Variants in DISC1 observed in about 807,000 individuals in gnomAD.
The protein encoded by DISC1 is DISC1 scaffold protein.
DISC1 carries 57 observed loss-of-function variants against 84.5 expected under a neutral mutation model. That is an observed-to-expected ratio of 0.67 (90% CI 0.55 to 0.84). The LOEUF is 0.84. DISC1 is among the 40% of genes least tolerant of loss of function. The pLI is 0.00. For missense variants in DISC1, 1,000 were observed against 1,057.8 expected (o/e 0.95, Z 0.76); for synonymous variants, 411 against 415.2 (o/e 0.99, Z 0.12).
intron 1 of DISC1, among the ~76,000 whole-genome samples, chr1:231,681,794 C>G (rs1000429945): frequency 2.6e-5 from 4 of 152,060 alleles, no homozygotes; most frequent in African/African-American, 9.7e-5. Context: ...CTCCTGGGTT[C>G]AAGCGATTCT....
In DISC1 at chr1:231,770,983, T is replaced by C. The variant is rs761316458; in HGVS notation, c.1547T>C (p.Leu516Pro). The change falls in exon 6 of 13, where the codon CTG becomes CCG. Residue 516 changes from leucine to proline, a missense_variant. By Grantham distance (98) the Leu-to-Pro change is moderately conservative. Around this residue, in one of 3 missense-constraint regions of DISC1, gnomAD observed 311 missense variants for 400.1 expected, o/e 0.78. Transcript: ENST00000439617. ...PLVGQLSLGQ[L>P]QEVSKALQDT... ...GTGGGCCAGCTGTCCCTGGGTCAGC[T>C]GCAGGAGGTCAGCAAGGCCTTGCAG... 3 of 1,613,732 alleles carry C rather than the reference T, an allele frequency of 1.9e-6. No individual in the cohort carries two copies.
chr1:231,827,965 G>A (rs564030707), intron 9 of DISC1, among the ~76,000 whole-genome samples: 17 of 152,220 alleles, frequency 1.1e-4, no homozygotes, highest in Middle Eastern at 3.4e-3. Flanking sequence ...ATAGAATGTC[G>A]TTTTATTTTT....
intron 10 of DISC1, among the ~76,000 whole-genome samples, chr1:232,003,045 A>T (rs143341447): frequency 1.3e-5 from 2 of 152,188 alleles, no homozygotes; most frequent in Non-Finnish European, 2.9e-5. Flanking sequence ...TTACAATTGT[A>T]TGTGAATTTA....
At chr1:231,750,357 C>G (rs1424503284) in intron 4 of DISC1, 3 of 1,212,606 alleles carry the variant, frequency 2.5e-6, no homozygotes, top group Non-Finnish European at 3.1e-6. Flanking sequence ...GGGAAACTAC[C>G]CTTCTAAGAA....
At chr1:231,673,268 T>G (rs1399806409) in intron 1 of DISC1, among the ~76,000 whole-genome samples, 1 of 152,178 alleles carries the variant, frequency 6.6e-6, no homozygotes, top group Non-Finnish European at 1.5e-5. Context: ...CCCCTGGAGG[T>G]GGGAAAATGA....
chr1:231,946,049 C>T (rs1657132460), intron 9 of DISC1, among the ~76,000 whole-genome samples: 1 of 152,180 alleles, frequency 6.6e-6, no homozygotes, highest in South Asian at 2.1e-4. Flanking sequence ...GGAGCTGGTA[C>T]CATTCCTTCT....
chr1:231,752,732 A>G (rs1340164817), intron 4 of DISC1, among the ~76,000 whole-genome samples: 1 of 152,236 alleles, frequency 6.6e-6, no homozygotes, highest in Non-Finnish European at 1.5e-5. Flanking sequence ...ATCTGAGACA[A>G]GGCTAGTCCC....
intron 3 of DISC1, chr1:231,702,570 A>G: frequency 2.0e-6 from 2 of 985,534 alleles, no homozygotes; most frequent in Non-Finnish European, 2.4e-6. Flanking sequence ...ATGGCCTAAA[A>G]TACCCAAGAG....
At chr1:231,703,365 C>T (rs559472309) in intron 3 of DISC1, among the ~76,000 whole-genome samples, 7 of 152,286 alleles carry the variant, frequency 4.6e-5, no homozygotes, top group African/African-American at 1.2e-4. Context: ...GGCTTCAGCC[C>T]GGGCACAGCT....
intron 4 of DISC1, chr1:231,750,402 G>C: frequency 8.9e-7 from 1 of 1,119,198 alleles, no homozygotes; most frequent in African/African-American, 1.6e-5. Flanking sequence ...AGGCAGCTTG[G>C]TGTCCTGTGA....
chr1:231,953,198 T>C (rs1022544793), intron 9 of DISC1, among the ~76,000 whole-genome samples: 2 of 152,364 alleles, frequency 1.3e-5, no homozygotes, highest in Middle Eastern at 3.4e-3. Flanking sequence ...TAAATTGATA[T>C]CACGCGTGTC....
chr1:231,867,105 G>A (rs1165826460), intron 9 of DISC1, among the ~76,000 whole-genome samples: 1 of 152,110 alleles, frequency 6.6e-6, no homozygotes, highest in African/African-American at 2.4e-5. Flanking sequence ...TTACGTTATG[G>A]GGTGCGCATG....
intron 6 of DISC1, among the ~76,000 whole-genome samples, chr1:231,772,802 G>A (rs201533107): frequency 1.6e-4 from 24 of 152,158 alleles, no homozygotes; most frequent in Non-Finnish European, 2.9e-4. Flanking sequence ...AAAAGCAAGC[G>A]GCACATGCTA....
intron 7 of DISC1, among the ~76,000 whole-genome samples, chr1:231,799,830 CTCTT>C: frequency 8.0e-6 from 1 of 124,498 alleles, no homozygotes; most frequent in African/African-American, 3.2e-5. Context: ...ATTTCCCTCC[CTCTT>C]TCCCTTCTCT....
intron 1 of DISC1, among the ~76,000 whole-genome samples, chr1:231,680,344 G>A (rs1014230901): frequency 6.6e-6 from 1 of 152,172 alleles, no homozygotes; most frequent in Non-Finnish European, 1.5e-5. Flanking sequence ...AAAGACAACT[G>A]TATTTTATTA....
chr1:231,827,970 AT>A (rs1396668068), intron 9 of DISC1, among the ~76,000 whole-genome samples: 1 of 152,028 alleles, frequency 6.6e-6, no homozygotes, highest in Non-Finnish European at 1.5e-5. Context: ...ATGTCGTTTT[AT>A]TTTTCTTTTG....
At chr1:231,866,801 C>A in intron 9 of DISC1, 1 of 1,074,396 alleles carries the variant, frequency 9.3e-7, no homozygotes, top group Non-Finnish European at 1.2e-6. Flanking sequence ...TAATTAAAGT[C>A]ATGATAGTTT....
intron 9 of DISC1, among the ~76,000 whole-genome samples, chr1:231,889,098 T>C (rs901438828): frequency 6.6e-6 from 1 of 152,084 alleles, no homozygotes; most frequent in Non-Finnish European, 1.5e-5. Context: ...TCTCAGATGG[T>C]AGATTTTGTG....
In DISC1 at chr1:231,698,471, A is replaced by G. The variant is rs2065987168; in HGVS notation, c.1048-3484A>G. Among the ~76,000 whole-genome samples the G allele has an allele frequency of 6.6e-6, 1 of 152,156 alleles. No homozygotes were observed. Among genetic ancestry groups the G allele is most frequent in the Admixed American group, 6.5e-5 (1 of 15,276 alleles). On this transcript the variant is annotated intron_variant, in intron 2 of 12. Transcript: ENST00000439617. This position sits in a 1 kb window ranked among gnomAD's most constrained non-coding sequence, Gnocchi z 4.9. ...CCACCTAAGGCCATGGAAACTGGTGAAAAATGAAGGACTCTGCCTGTAGAG... is the reference window on the plus strand; with the variant it reads ...CCACCTAAGGCCATGGAAACTGGTGGAAAATGAAGGACTCTGCCTGTAGAG...
Sources: allele counts gnomAD v4.1 joint callset (sites outside exome capture counted in the v4.1 genomes callset), GRCh38; gene constraint gnomAD v4.1.1; regional missense constraint gnomAD v4.1.1; non-coding constraint Gnocchi (gnomAD v3.1); transcripts MANE v1.5; gene names NCBI Gene and HGNC (gene_info 2026-07-23, HGNC 2026-07-21).